YY1AP1: variants seen among roughly 807,000 people sequenced by gnomAD.
YY1AP1 encodes YY1 associated protein 1, also known as YY1-associated protein 1.
A neutral mutation model predicts 39.9 loss-of-function variants in YY1AP1; 43 were observed. That is an observed-to-expected ratio of 1.08 (90% CI 0.84 to 1.39). The LOEUF is 1.39. Among genes scored for constraint, YY1AP1 ranks in the 40% most tolerant of loss-of-function variants. The pLI, the probability that YY1AP1 is intolerant of heterozygous loss-of-function variation, is 0.00. For missense variants in YY1AP1, 813 were observed against 900.7 expected, an observed-to-expected ratio of 0.90 and a Z score of 1.25; for synonymous variants, 292 against 331.3, an observed-to-expected ratio of 0.88 and a Z score of 1.29.
chr1:155,688,888 T>A, upstream of YY1AP1: 1 of 1,611,962 alleles, frequency 6.2e-7, no homozygotes, highest in Non-Finnish European at 8.5e-7. Flanking sequence ...GCCGTTTGAC[T>A]GGAATTGCCA....
intron 2 of YY1AP1, among the ~76,000 whole-genome samples, chr1:155,684,561 C>T (rs1423127599): frequency 3.3e-5 from 5 of 149,382 alleles, no homozygotes; most frequent in Admixed American, 6.6e-5. Context: ...CACCTTTTTA[C>T]ATTTCTTGCT....
chr1:155,663,933 G>A (rs1345159319), intron 9 of YY1AP1, among the ~76,000 whole-genome samples: 2 of 151,494 alleles, frequency 1.3e-5, no homozygotes, highest in African/African-American at 4.9e-5. Context: ...CCATTACTTT[G>A]GGAGGCCAAG....
chr1:155,660,021 G>A lies in YY1AP1; in HGVS notation c.1889C>T (p.Thr630Ile), dbSNP rs201834107. Reference sequence around the variant, plus strand: ...ATTCATGTGGGCCTTATCTTCAGGGGTGGATGGTATAGGAAGATTCACAGA... The same window carrying A: ...ATTCATGTGGGCCTTATCTTCAGGGATGGATGGTATAGGAAGATTCACAGA... The part of the protein sequence containing the change: ...GNSVNLPIPS[T>I]PEDKAHMNVD... Residue 630 changes from threonine (T) to isoleucine (I), a missense_variant, in exon 11 of 11, where the codon ACC (threonine) becomes ATC (isoleucine). Around this residue, in one of 3 missense-constraint regions of YY1AP1, gnomAD observed 586 missense variants for 647.4 expected, o/e 0.91. Transcript: ENST00000355499. 2 of 1,614,234 alleles carry A rather than the reference G, an allele frequency of 1.2e-6. No individual in the cohort carries two copies. The highest frequency in any genetic ancestry group is 1.3e-5 in the African/African-American group (1 of 75,050).
At chr1:155,687,659 A>T (rs1217762790) in intron 2 of YY1AP1, among the ~76,000 whole-genome samples, 2 of 146,230 alleles carry the variant, frequency 1.4e-5, no homozygotes, top group Non-Finnish European at 2.9e-5. Flanking sequence ...CATACCGTTC[A>T]ACGCGGCAGG....
Position 155,674,339 on chromosome 1 carries a change from G to A in YY1AP1, c.411+671C>T, listed in dbSNP as rs570990549. On this transcript the variant is annotated intron_variant, in intron 6 of 10. Transcript: ENST00000355499. ...AAACAAAACAAAAAAAACACAGACC[G>A]GGTCTTACTATGTTGCCCAGGCTGT... Among the ~76,000 whole-genome samples, 35 of 152,032 alleles carry A rather than the reference G, an allele frequency of 2.3e-4. No individual in the cohort carries two copies. The South Asian group carries it at 6.7e-3, about 29-fold the overall frequency.
rs759129957 is a variant in YY1AP1, at chr1:155,676,648, T to C, written c.224A>G (p.Gln75Arg). 2 of 1,614,196 alleles carry C rather than the reference T, an allele frequency of 1.2e-6. No homozygotes were observed. The highest frequency in any genetic ancestry group is 1.7e-6 in the Non-Finnish European group (2 of 1,180,036). ...LKMKKPSAKQQKEVEKVKPQC... is the reference protein window; with the variant it reads ...LKMKKPSAKQRKEVEKVKPQC... The stretch of plus-strand genomic sequence containing the variant: ...GGGTTTAACCTTCTCTACCTCCTTC[T>C]GCTGTTTGGCTGAAGGTTTCTTCAT... The change falls in exon 5 of 11, where the codon CAG becomes CGG. Residue 75 changes from glutamine (Q) to arginine (R), a missense_variant. By Grantham distance (43) the Gln-to-Arg change is conservative (BLOSUM62 1). Transcript: ENST00000355499.
At chr1:155,682,504 C>G (rs918521909) in intron 2 of YY1AP1, among the ~76,000 whole-genome samples, 2 of 151,942 alleles carry the variant, frequency 1.3e-5, no homozygotes, top group Admixed American at 6.6e-5. Context: ...GGATTACAGG[C>G]ACCTGCCACA....
chr1:155,669,689 T>C (rs924820970), intron 8 of YY1AP1, among the ~76,000 whole-genome samples: 1 of 152,164 alleles, frequency 6.6e-6, no homozygotes, highest in Non-Finnish European at 1.5e-5. Flanking sequence ...TATATACATA[T>C]TTGCTGTTAA....
chr1:155,665,076 A>G (rs1038865423), intron 9 of YY1AP1, among the ~76,000 whole-genome samples: 2 of 150,968 alleles, frequency 1.3e-5, no homozygotes, highest in African/African-American at 2.4e-5. Context: ...GGCCCCGGAG[A>G]TGGTTTAAAT....
At chr1:155,669,129 G>C (rs2149040343) in intron 8 of YY1AP1, among the ~76,000 whole-genome samples, 1 of 152,306 alleles carries the variant, frequency 6.6e-6, no homozygotes, top group South Asian at 2.1e-4. Flanking sequence ...GAATGCCTGG[G>C]TTCAATCGAT....
chr1:155,688,219 G>C lies in YY1AP1; in HGVS notation c.-151-18C>G. 2 of 1,613,510 alleles carry C rather than the reference G, an allele frequency of 1.2e-6. No homozygotes were observed. The highest frequency in any genetic ancestry group is 1.1e-5 in the South Asian group (1 of 90,984). ...TAAGCCGACTGGCGGAAATGCGAGA[G>C]AGGAGAAGGGAAAGGTGGAGGGCTA... On this transcript the variant is annotated intron_variant, in intron 1 of 10. Coordinates refer to ENST00000355499, the MANE Select transcript of YY1AP1 (RefSeq NM_139119.3).
chr1:155,681,750 T>G (rs1034702441), intron 2 of YY1AP1, among the ~76,000 whole-genome samples: 5 of 152,148 alleles, frequency 3.3e-5, no homozygotes, highest in Admixed American at 6.5e-5. Flanking sequence ...TGAAAGGGAC[T>G]GCCAATCCAA....
Position 155,672,668 on chromosome 1 carries a change from G to A in YY1AP1, c.475C>T (p.Gln159Ter), listed in dbSNP as rs745513672. 8 of 1,614,052 alleles carry A rather than the reference G, an allele frequency of 5.0e-6. No homozygotes were observed. Among genetic ancestry groups the A allele is most frequent in the East Asian group, 2.2e-5 (1 of 44,894 alleles). The change falls in exon 7 of 11, where the codon CAG (glutamine) becomes TAG (stop). Residue 159 changes from glutamine to a stop codon, truncating the protein, a stop_gained. Transcript: ENST00000355499. LOFTEE classifies it high-confidence loss of function. ...ALHHQYNPKF[Q>*]TLFQPCNLMG... ...AAGTTACAGGGTTGGAACAGGGTCT[G>A]AAACTTGGGGTTGTACTGATGGTGA...
chr1:155,684,879 C>T (rs1227484146), intron 2 of YY1AP1, among the ~76,000 whole-genome samples: 1 of 152,156 alleles, frequency 6.6e-6, no homozygotes, highest in Non-Finnish European at 1.5e-5. Context: ...AGCCACCCCA[C>T]CTGACCAATT....
At chr1:155,688,486 A>G in intron 1 of YY1AP1, 173 bp downstream of exon 1, 1 of 1,549,332 alleles carries the variant, frequency 6.5e-7, no homozygotes, top group Non-Finnish European at 8.7e-7. Context: ...GTCAGCCCGC[A>G]CGCGTACGAG....
Position 155,666,080 on chromosome 1 carries a change from A to G in YY1AP1, c.879+2547T>C, listed in dbSNP as rs534158703. Among the ~76,000 whole-genome samples the G allele has an allele frequency of 2.6e-5, 4 of 152,240 alleles. No individual in the cohort carries two copies. The East Asian group carries it at 5.8e-4, about 22-fold the overall frequency. ...TGTTCAGCAGGAAAGGCAAGGTAACACAGTAACATAGCTGAGCTGTGAAGA... is the reference window on the plus strand; with the variant it reads ...TGTTCAGCAGGAAAGGCAAGGTAACGCAGTAACATAGCTGAGCTGTGAAGA... On this transcript the variant is annotated intron_variant, in intron 9 of 10. Transcript: ENST00000355499.
chr1:155,661,462 T>C (rs1648100901), intron 9 of YY1AP1, 39 bp from the exon 10 acceptor site: 1 of 1,613,308 alleles, frequency 6.2e-7, no homozygotes. Context: ...ACATTCCTTC[T>C]GGAAACACTG....
At chr1:155,684,681 G>A (rs1255348936) in intron 2 of YY1AP1, among the ~76,000 whole-genome samples, 1 of 151,600 alleles carries the variant, frequency 6.6e-6, no homozygotes, top group Non-Finnish European at 1.5e-5. Flanking sequence ...GCAATTCTTG[G>A]TTCAAGCAAT....
rs780680767 is a variant in YY1AP1 at position 155,670,302 on chromosome 1, C to T, written c.728+18G>A. ...ATCTTCTCCTTGGGATATTTGATCC[C>T]CCAGAGTAAACACTTACTTGTCCTC... On this transcript the variant is annotated intron_variant, in intron 8 of 10. Coordinates refer to ENST00000355499, the MANE Select transcript of YY1AP1 (RefSeq NM_139119.3). The T allele has an allele frequency of 5.4e-5, 87 of 1,611,748 alleles. No individual in the cohort carries two copies. The highest frequency in any genetic ancestry group is 7.2e-5 in the Non-Finnish European group (85 of 1,179,810).
Sources: gnomAD v4.1 joint callset for allele counts (sites outside exome capture counted in the v4.1 genomes callset) on GRCh38, gnomAD v4.1.1 for gene constraint, gnomAD v4.1.1 regional missense constraint, MANE v1.5 for transcripts, NCBI Gene and HGNC (gene_info 2026-07-23, HGNC 2026-07-21) for gene names.